Variants in INTS4 observed in about 807,000 individuals in gnomAD.
INTS4 encodes the protein integrator complex subunit 4, also known as MSTP093.
A neutral mutation model predicts 119.5 loss-of-function variants in INTS4; 70 were observed. The ratio of observed to expected loss-of-function variants is 0.59; its 90% CI spans 0.48 to 0.71. The LOEUF is 0.71. Ranked by LOEUF, INTS4 falls within the 30% of genes least tolerant of loss-of-function variation. INTS4 has a pLI of 0.00. For missense variants in INTS4, 867 were observed against 1,173.2 expected (o/e 0.74, Z 3.81); for synonymous variants, 316 against 419.6 (o/e 0.75, Z 3.02).
chr11:77,921,549 C>G, intron 13 of INTS4, 76 bp from the exon 14 acceptor site: 7 of 824,432 alleles, frequency 8.5e-6, no homozygotes, highest in Non-Finnish European at 1.4e-5. Flanking sequence ...CTTTCCACCT[C>G]CAAAATCTCC....
At chr11:77,944,126 C>T (rs1238707088) in intron 8 of INTS4, among the ~76,000 whole-genome samples, 2 of 152,096 alleles carry the variant, frequency 1.3e-5, no homozygotes, top group African/African-American at 4.8e-5. Flanking sequence ...TAAAAGCTAA[C>T]CTCTTTTACA....
At chr11:77,876,104 C>A (rs1951586628), downstream of INTS4, among the ~76,000 whole-genome samples, 1 of 152,000 alleles carries the variant, frequency 6.6e-6, no homozygotes, top group African/African-American at 2.4e-5. Flanking sequence ...AAGAAGAGGA[C>A]TAAGAAACAT....
chr11:77,986,753 C>T (rs770054404), intron 2 of INTS4, among the ~76,000 whole-genome samples: 3 of 151,614 alleles, frequency 2.0e-5, no homozygotes, highest in South Asian at 4.2e-4. Flanking sequence ...AACCAAACAC[C>T]GCATGTTCTC....
chr11:77,901,149 T>C (rs1322095217), intron 18 of INTS4, among the ~76,000 whole-genome samples: 1 of 152,232 alleles, frequency 6.6e-6, no homozygotes, highest in Non-Finnish European at 1.5e-5. Flanking sequence ...AGTGTCCTTA[T>C]TGCCAGATAA....
intron 2 of INTS4, among the ~76,000 whole-genome samples, chr11:77,983,841 A>C (rs1412141060): frequency 6.6e-6 from 1 of 152,196 alleles, no homozygotes; most frequent in Non-Finnish European, 1.5e-5. Context: ...CAAAAAATTA[A>C]TAATAGAATT....
At chr11:77,933,494 G>A (rs1283481574) in intron 10 of INTS4, among the ~76,000 whole-genome samples, 2 of 152,228 alleles carry the variant, frequency 1.3e-5, no homozygotes, top group Admixed American at 6.5e-5. Context: ...CTGAGGTGCT[G>A]GGATTGCAGA....
At chr11:77,912,446 C>T (rs987600517) in intron 15 of INTS4, among the ~76,000 whole-genome samples, 7 of 151,686 alleles carry the variant, frequency 4.6e-5, no homozygotes, top group Non-Finnish European at 1.0e-4. Context: ...CTCCCAGGAA[C>T]ACACACATTA....
In INTS4 at chr11:77,896,521, G is replaced by A. The variant is rs1952525504; in HGVS notation, c.2229-2172C>T. Among the ~76,000 whole-genome samples, 4 of 152,080 alleles carry A rather than the reference G, an allele frequency of 2.6e-5. No individual in the cohort carries two copies. In the South Asian group the frequency reaches 6.3e-4, roughly 24 times the overall value. ...TACAAAATTAGCCGGGTACAGTGGC[G>A]CATGCCTGTAATCCCAGCTACTTGG... is the stretch of plus-strand genomic sequence containing the variant. On this transcript the variant is annotated intron_variant, in intron 18 of 22. Coordinates refer to ENST00000534064, the MANE Select transcript of INTS4 (RefSeq NM_033547.4).
intron 22 of INTS4, among the ~76,000 whole-genome samples, chr11:77,879,928 A>G (rs1178685483): frequency 6.6e-6 from 1 of 152,210 alleles, no homozygotes; most frequent in Admixed American, 6.5e-5. Context: ...AGACTGTCAC[A>G]ATCTTGGCAA....
downstream of INTS4, among the ~76,000 whole-genome samples, chr11:77,874,873 C>T (rs1951554965): frequency 6.6e-6 from 1 of 152,092 alleles, no homozygotes; most frequent in African/African-American, 2.4e-5. Flanking sequence ...CCCATCTCTA[C>T]TAAAAATACA....
At chr11:77,889,670 A>G (rs1264952008) in intron 21 of INTS4, among the ~76,000 whole-genome samples, 1 of 152,216 alleles carries the variant, frequency 6.6e-6, no homozygotes, top group Non-Finnish European at 1.5e-5. Context: ...GTTTACTGCT[A>G]TATCTCTATT....
chr11:77,952,699 G>A (rs1275409591), intron 8 of INTS4, among the ~76,000 whole-genome samples: 1 of 152,104 alleles, frequency 6.6e-6, no homozygotes, highest in East Asian at 1.9e-4. Flanking sequence ...TGTGACTCAA[G>A]TTAGAGTCAT....
At chr11:77,893,238 C>T (rs1434851586) in intron 19 of INTS4, among the ~76,000 whole-genome samples, 1 of 152,166 alleles carries the variant, frequency 6.6e-6, no homozygotes, top group South Asian at 2.1e-4. Flanking sequence ...TGAAAAAATA[C>T]ATGTATTCTA....
At chr11:77,987,462 AGAT>A (rs1490892580) in intron 2 of INTS4, 1 of 307,136 alleles carries the variant, frequency 3.3e-6, no homozygotes, top group Admixed American at 4.5e-5. Flanking sequence ...GTATTATTAT[AGAT>A]GATTATTGGT....
At position 77,883,889 on chromosome 11, in the gene INTS4, C is replaced by T. The variant is rs1951886919; in HGVS notation, c.2656G>A (p.Gly886Ser). 1 of 1,613,158 alleles carries T rather than the reference C, an allele frequency of 6.2e-7. No homozygotes were observed. Among genetic ancestry groups the T allele is most frequent in the African/African-American group, 1.3e-5 (1 of 74,996 alleles). The change falls in exon 22 of 23, where the codon GGC (glycine) becomes AGC (serine). Residue 886 changes from glycine to serine, a missense_variant. Around this residue, in one of 5 missense-constraint regions of INTS4, gnomAD observed 122 missense variants for 133.2 expected, o/e 0.92. Transcript: ENST00000534064. ...HPKPADFRNPGPGRHRLITQV... is the reference protein window; with the variant it reads ...HPKPADFRNPSPGRHRLITQV... ...GTGATGAGCCGGTGCCGCCCTGGGCCAGGATTCCGGAAGTCTGCAGGCTTG... is the reference window on the plus strand; with the variant it reads ...GTGATGAGCCGGTGCCGCCCTGGGCTAGGATTCCGGAAGTCTGCAGGCTTG...
chr11:77,937,802 C>G (rs761805209), intron 10 of INTS4, among the ~76,000 whole-genome samples: 3 of 150,638 alleles, frequency 2.0e-5, no homozygotes, highest in Non-Finnish European at 4.4e-5. Context: ...TGTATTCCCA[C>G]AAAAATATCT....
At chr11:77,947,072 A>G (rs1954065422) in intron 8 of INTS4, among the ~76,000 whole-genome samples, 1 of 150,706 alleles carries the variant, frequency 6.6e-6, no homozygotes, top group South Asian at 2.1e-4. Context: ...AGAATTTCTG[A>G]CCTTGAAGAC....
chr11:77,948,000 T>C (rs1463269204), intron 8 of INTS4, among the ~76,000 whole-genome samples: 1 of 152,108 alleles, frequency 6.6e-6, no homozygotes, highest in African/African-American at 2.4e-5. Flanking sequence ...TGTGCCACCA[T>C]GCCCAGCTGA....
At chr11:77,992,375 G>T (rs1013070829) in intron 1 of INTS4, among the ~76,000 whole-genome samples, 1 of 151,990 alleles carries the variant, frequency 6.6e-6, no homozygotes, top group Non-Finnish European at 1.5e-5. Context: ...TGGGCGAAAA[G>T]AGCGAAACTC....
Sources: allele counts gnomAD v4.1 joint callset (sites outside exome capture counted in the v4.1 genomes callset), GRCh38; gene constraint gnomAD v4.1.1; regional missense constraint gnomAD v4.1.1; transcripts MANE v1.5; gene names NCBI Gene and HGNC (gene_info 2026-07-23, HGNC 2026-07-21).